Variants in PPP2R2C observed in about 807,000 individuals in gnomAD.
The protein encoded by PPP2R2C is protein phosphatase 2 regulatory subunit Bgamma.
A neutral mutation model predicts 45.3 loss-of-function variants in PPP2R2C; 10 were observed. The ratio of observed to expected loss-of-function variants is 0.22; its 90% CI spans 0.14 to 0.37. The LOEUF is 0.37. Among genes scored for constraint, PPP2R2C ranks in the 10% least tolerant of loss-of-function variants. The pLI, the probability that PPP2R2C is intolerant of heterozygous loss-of-function variation, is 1.00. For synonymous variants in PPP2R2C, 257 were observed against 245.4 expected (o/e 1.05, Z -0.44); for missense variants, 308 against 619.7 (o/e 0.50, Z 5.34).
At chr4:6,416,070 G>A (rs1718559183) in intron 1 of PPP2R2C, among the ~76,000 whole-genome samples, 1 of 138,492 alleles carries the variant, frequency 7.2e-6, no homozygotes, top group African/African-American at 2.6e-5. Context: ...TTTCTATTTG[G>A]ATTTCTCATG....
intron 8 of PPP2R2C, among the ~76,000 whole-genome samples, chr4:6,323,906 T>C (rs892622755): frequency 6.6e-6 from 1 of 151,888 alleles, no homozygotes; most frequent in Admixed American, 6.6e-5. Context: ...GATTTACCAC[T>C]GCAGTCTAGC....
chr4:6,558,755 G>C (rs1049771358), intron 1 of PPP2R2C, among the ~76,000 whole-genome samples: 6 of 152,092 alleles, frequency 3.9e-5, no homozygotes, highest in African/African-American at 1.4e-4. Flanking sequence ...CCTGCACCGA[G>C]CCAAGCTTGG....
At chr4:6,461,388 G>A (rs1721313137) in intron 1 of PPP2R2C, among the ~76,000 whole-genome samples, 1 of 152,202 alleles carries the variant, frequency 6.6e-6, no homozygotes, top group Non-Finnish European at 1.5e-5. Context: ...AGTAGCCACT[G>A]GGCTGCCCAG....
intron 1 of PPP2R2C, among the ~76,000 whole-genome samples, chr4:6,546,245 C>G (rs1258952891): frequency 6.6e-6 from 1 of 152,134 alleles, no homozygotes; most frequent in Non-Finnish European, 1.5e-5. Context: ...AGAGTCAAAC[C>G]GGTGATCACG....
chr4:6,463,648 G>A (rs547127873), intron 1 of PPP2R2C, among the ~76,000 whole-genome samples: 12 of 152,320 alleles, frequency 7.9e-5, no homozygotes, highest in African/African-American at 1.4e-4. Flanking sequence ...CAGAGGAGCT[G>A]GACACTGTCA....
At chr4:6,477,537 T>C (rs1439708697), upstream of PPP2R2C, among the ~76,000 whole-genome samples, 3 of 151,718 alleles carry the variant, frequency 2.0e-5, no homozygotes, top group African/African-American at 7.3e-5. Context: ...CCATCCTGGC[T>C]AACACGGTGA....
intron 5 of PPP2R2C, among the ~76,000 whole-genome samples, chr4:6,362,275 C>T (rs1031101376): frequency 6.6e-6 from 1 of 152,066 alleles, no homozygotes; most frequent in Admixed American, 6.5e-5. Context: ...TGACATAAGG[C>T]TGGGAGTGGC....
At chr4:6,534,492 AC>A (rs1724528636) in intron 2 of PPP2R2C, among the ~76,000 whole-genome samples, 1 of 151,846 alleles carries the variant, frequency 6.6e-6, no homozygotes, top group Admixed American at 6.6e-5. Context: ...TCCAACAGTC[AC>A]ACCAACACAT....
At chr4:6,438,563 GTTTC>G (rs1302073943) in intron 1 of PPP2R2C, among the ~76,000 whole-genome samples, 2 of 152,148 alleles carry the variant, frequency 1.3e-5, no homozygotes, top group African/African-American at 4.8e-5. Context: ...TGGTTGGAAT[GTTTC>G]TTTAACAGGA....
intron 1 of PPP2R2C, among the ~76,000 whole-genome samples, chr4:6,469,399 G>C (rs1176444165): frequency 6.6e-6 from 1 of 152,212 alleles, no homozygotes; most frequent in Non-Finnish European, 1.5e-5. Context: ...GGGGAGTGTA[G>C]ACTCAACCAC....
chr4:6,431,724 G>C (rs1719634487), intron 1 of PPP2R2C, among the ~76,000 whole-genome samples: 1 of 152,276 alleles, frequency 6.6e-6, no homozygotes, highest in Middle Eastern at 3.4e-3. Flanking sequence ...CTGGACAAGA[G>C]ACCCTGGACC....
chr4:6,429,503 A>G (rs774978889), intron 1 of PPP2R2C, among the ~76,000 whole-genome samples: 1 of 152,236 alleles, frequency 6.6e-6, no homozygotes, highest in Non-Finnish European at 1.5e-5. Flanking sequence ...ACAGGTAGCC[A>G]GGTATCCCAG....
chr4:6,413,866 C>G (rs780666942), intron 1 of PPP2R2C: 4 of 1,535,902 alleles, frequency 2.6e-6, no homozygotes, highest in Admixed American at 3.9e-5. Context: ...GATGGGGACC[C>G]TCCCAACTCT....
chr4:6,495,384 C>T (rs957809920), intron 2 of PPP2R2C, among the ~76,000 whole-genome samples: 5 of 152,212 alleles, frequency 3.3e-5, no homozygotes, highest in South Asian at 2.1e-4. Context: ...AACAGTGTCC[C>T]GGGCACTCCC....
chr4:6,432,415 T>G lies in PPP2R2C; in HGVS notation c.70+39745A>C, dbSNP rs1016374994. On this transcript the variant is annotated intron_variant, in intron 1 of 8. Transcript: ENST00000382599. ...GTGTTGTACCCACATCCTCAGTAGG[T>G]GTCCAAGGACCGTCGGGACCCAGCG... Among the ~76,000 whole-genome samples the G allele has an allele frequency of 2.0e-5, 3 of 152,172 alleles. No individual in the cohort carries two copies. In the East Asian group the frequency reaches 5.8e-4, roughly 29 times the overall value.
intron 1 of PPP2R2C, chr4:6,383,397 T>C (rs1488171241): frequency 7.8e-6 from 10 of 1,289,730 alleles, no homozygotes; most frequent in Non-Finnish European, 1.0e-5. Context: ...CAGCAAAAGG[T>C]ACCTCCTCCC....
rs567393078 is a variant in PPP2R2C at position 6,486,118 on chromosome 4, A to G, written c.49+49153T>C. Among the ~76,000 whole-genome samples, 10 of 152,054 alleles carry G rather than the reference A, an allele frequency of 6.6e-5. No individual in the cohort carries two copies. In the East Asian group the frequency reaches 1.7e-3, roughly 26 times the overall value. ...ATTCATTCACGTAAAAATACTTTCT[A>G]ATTTCCCTTTCTTGGACACATGGGT... On this transcript the variant is annotated intron_variant, in intron 2 of 9. Transcript: ENST00000506140.
At chr4:6,343,008 T>C (rs1258275264) in intron 6 of PPP2R2C, among the ~76,000 whole-genome samples, 1 of 152,182 alleles carries the variant, frequency 6.6e-6, no homozygotes, top group East Asian at 1.9e-4. Context: ...TATCAGCCAC[T>C]CCCTGAGTTT....
rs1732438314 is a variant in PPP2R2C, at chr4:6,331,896, A to G, written c.960+1666T>C. ...CCAGCCGAACGCAGTCCTGCTACAC[A>G]CAATTTCTAGCACATCACAAGCCAC... On this transcript the variant is annotated intron_variant, in intron 7 of 8. Transcript: ENST00000382599. The surrounding 1 kb of genome is among the most constrained non-coding windows in gnomAD (Gnocchi z 5.9). 6.6e-6 allele frequency among the ~76,000 whole-genome samples: 1 copy of G among 152,140 alleles called. No homozygotes were observed. Among genetic ancestry groups the G allele is most frequent in the African/African-American group, 2.4e-5 (1 of 41,426 alleles).
Sources: allele counts gnomAD v4.1 joint callset (sites outside exome capture counted in the v4.1 genomes callset), GRCh38; gene constraint gnomAD v4.1.1; non-coding constraint Gnocchi (gnomAD v3.1); transcripts MANE v1.5; gene names NCBI Gene and HGNC (gene_info 2026-07-23, HGNC 2026-07-21).